ZNF329: variants seen among roughly 807,000 people sequenced by gnomAD.
ZNF329 encodes the protein zinc finger protein 329.
ZNF329 carries 15 observed loss-of-function variants against 26.6 expected under a neutral mutation model. The ratio of observed to expected loss-of-function variants is 0.56; its 90% CI spans 0.38 to 0.87. ZNF329 has a LOEUF of 0.87. Ranked by LOEUF, ZNF329 falls within the 40% of genes least tolerant of loss-of-function variation. ZNF329 has a pLI of 0.00. For missense variants in ZNF329, 651 were observed against 651.9 expected (o/e 1.00, Z 0.02); for synonymous variants, 239 against 233.5 (o/e 1.02, Z -0.21).
intron 3 of ZNF329, 92 bp from the exon 4 acceptor site, chr19:58,129,603 T>C: frequency 8.8e-7 from 1 of 1,136,904 alleles, no homozygotes; most frequent in Non-Finnish European, 1.2e-6. Context: ...TAAAGATGTG[T>C]ATTTTTTTAC....
At chr19:58,144,037 C>A (rs1001101376) in intron 1 of ZNF329, among the ~76,000 whole-genome samples, 1 of 151,874 alleles carries the variant, frequency 6.6e-6, no homozygotes, top group African/African-American at 2.4e-5. Flanking sequence ...GCCGAGATTG[C>A]ACCATTTCAC....
At chr19:58,148,201 C>G (rs147816713) in intron 1 of ZNF329, among the ~76,000 whole-genome samples, 2 of 151,532 alleles carry the variant, frequency 1.3e-5, no homozygotes, top group Admixed American at 6.6e-5. Flanking sequence ...CAGCATGCTC[C>G]TTAAGAGTCA....
chr19:58,128,614 T>G lies in ZNF329; in HGVS notation c.890A>C (p.Asn297Thr). 1 of 1,610,114 alleles carries G rather than the reference T, an allele frequency of 6.2e-7. No homozygotes were observed. Among genetic ancestry groups the G allele is most frequent in the Non-Finnish European group, 8.5e-7 (1 of 1,177,888 alleles). ...GTGCAAAATTAAGGATGAATTTCGG[T>G]TGAAGGTTTTTCCACACTCTAGGCA... is the stretch of plus-strand genomic sequence containing the variant. ...YECLECGKTF[N>T]RNSSLILHQR... is the part of the protein sequence containing the mutation. The change falls in exon 4 of 4, where the codon AAC becomes ACC. Residue 297 changes from asparagine (N) to threonine (T), a missense_variant. Asn to Thr is a moderately conservative substitution (Grantham distance 65, BLOSUM62 0). Transcript: ENST00000598312.
intron 3 of ZNF329, among the ~76,000 whole-genome samples, chr19:58,141,665 G>C (rs1026520745): frequency 6.6e-6 from 1 of 152,100 alleles, no homozygotes; most frequent in Non-Finnish European, 1.5e-5. Flanking sequence ...GCTGAGGCAG[G>C]TGGATCATTT....
rs753961892 is a variant in ZNF329 at position 58,128,717 on chromosome 19, T to C, written c.787A>G (p.Lys263Glu). ...CCATCACTGAAAGCTTTCCCACATT[T>C]ACTGCATTCATAGGGCTTCTCTCCT... ...HTGEKPYECS[K>E]CGKAFSDGSA... The change falls in exon 4 of 4, where the codon AAA becomes GAA. Residue 263 changes from lysine to glutamate, a missense_variant. Lys to Glu is a moderately conservative substitution (Grantham distance 56). Transcript: ENST00000598312. 1 of 1,607,654 alleles carries C rather than the reference T, an allele frequency of 6.2e-7. No homozygotes were observed. Among genetic ancestry groups the C allele is most frequent in the Non-Finnish European group, 8.5e-7 (1 of 1,177,112 alleles).
At chr19:58,140,347 A>G (rs920253754) in intron 3 of ZNF329, among the ~76,000 whole-genome samples, 9 of 152,280 alleles carry the variant, frequency 5.9e-5, no homozygotes, top group South Asian at 2.1e-4. Flanking sequence ...TAAACCGTGC[A>G]CATTACATAA....
intron 1 of ZNF329, among the ~76,000 whole-genome samples, chr19:58,147,565 C>G (rs1222550479): frequency 2.1e-5 from 3 of 144,746 alleles, no homozygotes; most frequent in African/African-American, 8.1e-5. Flanking sequence ...AGCCCCCCGC[C>G]CGGCCAGCCG....
intron 1 of ZNF329, among the ~76,000 whole-genome samples, chr19:58,144,781 A>T (rs947721301): frequency 1.3e-5 from 2 of 149,474 alleles, no homozygotes; most frequent in East Asian, 3.9e-4. Context: ...GGCTCACTGT[A>T]ATCTTGAATG....
chr19:58,128,772 G>A lies in ZNF329; in HGVS notation c.732C>T (p.Tyr244=). Reference sequence around the variant, plus strand: ...GGATTCTTTGATGCACAATCAGGTTGTAGTTCTTGGAGAAGGACTTTCCAC... The same window carrying A: ...GGATTCTTTGATGCACAATCAGGTTATAGTTCTTGGAGAAGGACTTTCCAC... ...NECGKSFSKN[Y]NLIVHQRIHT... Residue 244 remains tyrosine, a synonymous_variant, in exon 4 of 4, where the codon TAC becomes TAT. Transcript: ENST00000598312. 6.2e-7 allele frequency: 1 copy of A among 1,601,732 alleles called. No homozygotes were observed. The highest frequency in any genetic ancestry group is 1.1e-5 in the South Asian group (1 of 89,368).
At chr19:58,134,897 C>T (rs115842843) in intron 3 of ZNF329, among the ~76,000 whole-genome samples, 5,101 of 152,160 alleles carry the variant, frequency 0.034, 298 homozygotes, top group African/African-American at 0.12. Flanking sequence ...GATTGACCCA[C>T]TGAACTCCAG....
chr19:58,133,190 T>C (rs996681737), intron 3 of ZNF329, among the ~76,000 whole-genome samples: 3 of 152,098 alleles, frequency 2.0e-5, no homozygotes, highest in Admixed American at 2.0e-4. Flanking sequence ...GATCACTTAA[T>C]AGAAAAACTG....
chr19:58,146,346 C>T (rs966737223), intron 1 of ZNF329, among the ~76,000 whole-genome samples: 5 of 152,042 alleles, frequency 3.3e-5, no homozygotes, highest in Admixed American at 2.6e-4. Context: ...TAGTGGCACA[C>T]ACCTGTAATT....
rs1357673060 is a variant in ZNF329, at chr19:58,129,309, T to C, written c.195A>G (p.Glu65=). The change falls in exon 4 of 4, where the codon GAA becomes GAG. Residue 65 remains glutamate (E), a synonymous_variant. Coordinates refer to ENST00000598312, the MANE Select transcript of ZNF329 (RefSeq NM_024620.4). ...EKPGTQEAIC[E]YPGFGEHLIA... is the part of the protein sequence containing the mutation. Reference sequence around the variant, plus strand: ...TCAAATGCTCCCCAAAACCAGGATATTCACAAATTGCTTCCTGAGTCCCTG... The same window carrying C: ...TCAAATGCTCCCCAAAACCAGGATACTCACAAATTGCTTCCTGAGTCCCTG... The C allele has an allele frequency of 1.9e-6, 3 of 1,614,232 alleles. No homozygotes were observed. The highest frequency in any genetic ancestry group is 1.7e-5 in the Admixed American group (1 of 60,028).
rs188135790 is a variant in ZNF329 at position 58,129,482 on chromosome 19, G to T, written c.22C>A (p.Arg8=). Residue 8 remains arginine, a synonymous_variant, in exon 4 of 4, where the codon CGG becomes AGG. Coordinates refer to ENST00000598312, the MANE Select transcript of ZNF329 (RefSeq NM_024620.4). MRLKMTT[R]NFPEREVPCD... ...GGTACTTCTCTCTCAGGAAAATTCC[G>T]AGTCGTCATTTTCAATCTCATATCC... 1 of 1,595,950 alleles carries T rather than the reference G, an allele frequency of 6.3e-7. No homozygotes were observed.
intron 3 of ZNF329, among the ~76,000 whole-genome samples, chr19:58,130,365 T>C (rs2074909721): frequency 6.6e-6 from 1 of 151,914 alleles, no homozygotes; most frequent in Non-Finnish European, 1.5e-5. Flanking sequence ...CTGCCCTGCA[T>C]GGTTGTTATA....
At chr19:58,130,038 GGCGGGGCACA>G (rs1229911601) in intron 3 of ZNF329, among the ~76,000 whole-genome samples, 1 of 152,238 alleles carries the variant, frequency 6.6e-6, no homozygotes, top group Non-Finnish European at 1.5e-5. Flanking sequence ...TCAATGACCT[GGCGGGGCACA>G]GTGGTTCACT....
rs1309597321 is a variant in ZNF329 at position 58,129,178 on chromosome 19, C to G, written c.326G>C (p.Ser109Thr). ...CTTATCTGCATAACTTTTAGGATAGCTGGGTAAGGCGGGGTCACAATCCAG... is the reference window on the plus strand; with the variant it reads ...CTTATCTGCATAACTTTTAGGATAGGTGGGTAAGGCGGGGTCACAATCCAG... ...SGLDCDPALP[S>T]YPKSYADKRT... Residue 109 changes from serine (S) to threonine (T), a missense_variant, in exon 4 of 4, where the codon AGC becomes ACC. Transcript: ENST00000598312. 2 of 1,614,170 alleles carry G rather than the reference C, an allele frequency of 1.2e-6. No individual in the cohort carries two copies. Among genetic ancestry groups the G allele is most frequent in the African/African-American group, 1.3e-5 (1 of 75,048 alleles).
In ZNF329 at chr19:58,135,682, T is replaced by C. The variant is rs550535718; in HGVS notation, c.-8-6171A>G. ...TCACACAGCTGGATGAAAATCTACG[T>C]ACAAATTAAAATAAAATGCTTTCTT... is the stretch of plus-strand genomic sequence containing the variant. On this transcript the variant is annotated intron_variant, in intron 3 of 3. Transcript: ENST00000598312. Among the ~76,000 whole-genome samples, 28 of 152,250 alleles carry C rather than the reference T, an allele frequency of 1.8e-4. No individual in the cohort carries two copies. The South Asian group carries it at 5.8e-3, about 32-fold the overall frequency.
chr19:58,153,018 C>T (rs1192614183), upstream of ZNF329, among the ~76,000 whole-genome samples: 2 of 152,112 alleles, frequency 1.3e-5, no homozygotes, highest in Non-Finnish European at 2.9e-5. Flanking sequence ...AACAATAAAG[C>T]ATAACATCAT....
Sources: gnomAD v4.1 joint callset for allele counts (sites outside exome capture counted in the v4.1 genomes callset) on GRCh38, gnomAD v4.1.1 for gene constraint, MANE v1.5 for transcripts, NCBI Gene and HGNC (gene_info 2026-07-23, HGNC 2026-07-21) for gene names.